WDR97: variants seen among roughly 807,000 people sequenced by gnomAD.
WDR97 encodes the protein WD repeat-containing protein 97.
A neutral mutation model predicts 65.4 loss-of-function variants in WDR97; 111 were observed. That is an observed-to-expected ratio of 1.70 (90% confidence interval 1.45 to 1.99). The LOEUF (loss-of-function observed/expected upper bound fraction) is 1.99, where lower values mean the gene tolerates loss of function less well. Ranked by LOEUF, WDR97 falls within the 30% of genes most tolerant of loss-of-function variation. WDR97 has a pLI of 0.00. For missense variants in WDR97, 1,674 were observed against 865.0 expected (o/e 1.94, Z -11.73); for synonymous variants, 802 against 397.7 (o/e 2.02, Z -12.10).
chr8:144,115,308 T>C (rs891920129), intron 21 of WDR97, 33 bp from the exon 22 acceptor site: 2 of 587,946 alleles, frequency 3.4e-6, no homozygotes, highest in Admixed American at 3.2e-5. Context: ...GCCCAAGGTC[T>C]CTAAGACCTT....
In WDR97 at chr8:144,111,156, G is replaced by T. The variant is rs1217408180; in HGVS notation, c.2360G>T (p.Ser787Ile). Residue 787 changes from serine (S) to isoleucine (I), a missense_variant, in exon 10 of 24, where the codon AGC (serine) becomes ATC (isoleucine). Physicochemically the swap from Ser to Ile is moderately radical, Grantham distance 142. Coordinates refer to ENST00000323662, the MANE Select transcript of WDR97 (RefSeq NM_001316309.2). ...VVDDPPLPLM[S>I]QESLTSAQLQ... ...GACGACCCTCCGCTGCCACTGATGA[G>T]CCAGGAGTCACTGACTTCCGCCCAA... 1 of 702,826 alleles carries T rather than the reference G, an allele frequency of 1.4e-6. No individual in the cohort carries two copies. The highest frequency in any genetic ancestry group is 2.6e-6 in the Non-Finnish European group (1 of 385,016). 43.5% of individuals were successfully genotyped at this position (702,826 alleles called of 1,614,324 possible).
At position 144,114,126 on chromosome 8, in the gene WDR97, C is replaced by A; in HGVS notation, c.3558C>A (p.Thr1186=). Reference sequence around the variant, plus strand: ...TTCTGCATTTCTTCATCTACCAGACCTGGTTCAAAAAGTTGTTCCCCATCT... The same window carrying A: ...TTCTGCATTTCTTCATCTACCAGACATGGTTCAAAAAGTTGTTCCCCATCT... ...PKFLHFFIYQ[T]WFKKLFPIFS... The change falls in exon 18 of 24, where the codon ACC becomes ACA. Residue 1186 remains threonine (T), a synonymous_variant. Transcript: ENST00000323662. The A allele has an allele frequency of 1.4e-6, 1 of 702,820 alleles. No homozygotes were observed. Among genetic ancestry groups the A allele is most frequent in the Non-Finnish European group, 2.6e-6 (1 of 384,980 alleles). 43.5% of individuals were successfully genotyped at this position (702,820 alleles called of 1,614,324 possible). A position where few individuals can be genotyped will look rare whatever the true frequency, so the allele number is the denominator to read the frequency against.
Position 144,111,415 on chromosome 8 carries a change from C to A in WDR97, c.2427-11C>A. ...ACCCAGCATCCCACCTGTGCCTGTC[C>A]CTGTTTGCAGCGAGGCCTTGTCTCT... On this transcript the variant is annotated splice_polypyrimidine_tract_variant and intron_variant, in intron 10 of 23. Transcript: ENST00000323662. The A allele has an allele frequency of 1.4e-6, 1 of 702,828 alleles. No homozygotes were observed. The highest frequency in any genetic ancestry group is 2.6e-6 in the Non-Finnish European group (1 of 384,978). The allele number at this position is 702,828 out of a possible 1,614,324, so 43.5% of individuals were successfully genotyped here.
rs1334852370 is a variant in WDR97, at chr8:144,115,424, C to T, written c.4161C>T (p.Ser1387=). The T allele has an allele frequency of 2.2e-5, 15 of 681,280 alleles. No homozygotes were observed. The highest frequency in any genetic ancestry group is 3.8e-5 in the Non-Finnish European group (14 of 371,322). 42.2% of individuals were successfully genotyped at this position (681,280 alleles called of 1,614,324 possible). Reference sequence around the variant, plus strand: ...CCTCGGGCACCTCCTGGTCGGCCTCCGGCATCTTCGGGAGGCTCTCGCAGG... The same window carrying T: ...CCTCGGGCACCTCCTGGTCGGCCTCTGGCATCTTCGGGAGGCTCTCGCAGG... ...VIPSGTSWSA[S]GIFGRLSQVS... Residue 1387 remains serine, a synonymous_variant, in exon 22 of 24, where the codon TCC becomes TCT. Coordinates refer to ENST00000323662, the MANE Select transcript of WDR97 (RefSeq NM_001316309.2).
rs1296460847 is a variant in WDR97 at position 144,108,860 on chromosome 8, G to C, written c.794G>C (p.Cys265Ser). 1.0e-5 allele frequency: 7 copies of C among 702,954 alleles called. No homozygotes were observed. The highest frequency in any genetic ancestry group is 8.9e-5 in the South Asian group (6 of 67,608). The allele number at this position is 702,954 out of a possible 1,614,324, so 43.5% of individuals were successfully genotyped here. A position where few individuals can be genotyped will look rare whatever the true frequency, so the allele number is the denominator to read the frequency against. ...APVPPHHVLR[C>S]FAAYGSAVLT... is the part of the protein sequence containing the mutation. ...GTTCCTCCCCACCACGTCCTGCGCT[G>C]CTTCGCGGCCTATGGCTCGGCCGTG... Residue 265 changes from cysteine (C) to serine (S), a missense_variant, in exon 3 of 24, where the codon TGC becomes TCC. Transcript: ENST00000323662.
chr8:144,108,268 G>T lies in WDR97; in HGVS notation c.250-48G>T, dbSNP rs969392413. 5 of 693,278 alleles carry T rather than the reference G, an allele frequency of 7.2e-6. No homozygotes were observed. The African/African-American group carries it at 8.8e-5, about 12-fold the overall frequency. The allele number at this position is 693,278 out of a possible 1,614,324, so 42.9% of individuals were successfully genotyped here. ...CCTTCCCTTAGGGGTCCCCTAGGCC[G>T]GAGTAGCCCCAACCTTTGATTGCGG... On this transcript the variant is annotated intron_variant, in intron 2 of 23. Transcript: ENST00000323662.
In WDR97 at chr8:144,112,544, C is replaced by G; in HGVS notation, c.3105+14C>G. 1 of 702,642 alleles carries G rather than the reference C, an allele frequency of 1.4e-6. No individual in the cohort carries two copies. The highest frequency in any genetic ancestry group is 2.6e-6 in the Non-Finnish European group (1 of 384,892). The allele number at this position is 702,642 out of a possible 1,614,324, so 43.5% of individuals were successfully genotyped here. A position where few individuals can be genotyped will look rare whatever the true frequency, so the allele number is the denominator to read the frequency against. On this transcript the variant is annotated intron_variant, in intron 15 of 23. Transcript: ENST00000323662. ...CAGCCCCACAAGGTGAGACCCCCTCCCAGCTCCTGGAGAGCCACTCCTCTC... is the reference window on the plus strand; with the variant it reads ...CAGCCCCACAAGGTGAGACCCCCTCGCAGCTCCTGGAGAGCCACTCCTCTC...
In WDR97 at chr8:144,114,035, A is replaced by C; in HGVS notation, c.3467A>C (p.His1156Pro). Residue 1156 changes from histidine (H) to proline (P), a missense_variant, in exon 18 of 24, where the codon CAC (histidine) becomes CCC (proline). Coordinates refer to ENST00000323662, the MANE Select transcript of WDR97 (RefSeq NM_001316309.2). ...RRRSCKVARTHPHPWHRHGSL... is the reference protein window; with the variant it reads ...RRRSCKVARTPPHPWHRHGSL... ...CGCAGCTGCAAGGTTGCCAGGACCC[A>C]CCCTCATCCCTGGCACCGTCATGGG... The C allele has an allele frequency of 1.4e-6, 1 of 702,660 alleles. No individual in the cohort carries two copies. The allele number at this position is 702,660 out of a possible 1,614,324, so 43.5% of individuals were successfully genotyped here.
chr8:144,115,169 A>G (rs906887299), intron 21 of WDR97, among the ~76,000 whole-genome samples, 172 bp from the exon 22 acceptor site: 7 of 152,180 alleles, frequency 4.6e-5, no homozygotes, highest in Non-Finnish European at 1.5e-5. Flanking sequence ...CCTTGGGCTG[A>G]GCATCGGGCA....
At position 144,116,171 on chromosome 8, in the gene WDR97, G is replaced by C. The variant is rs1836660053; in HGVS notation, c.4747G>C (p.Glu1583Gln). Residue 1583 changes from glutamate (E) to glutamine (Q), a missense_variant, in exon 24 of 24, where the codon GAG becomes CAG. Glu to Gln is a conservative substitution (Grantham distance 29). Coordinates refer to ENST00000323662, the MANE Select transcript of WDR97 (RefSeq NM_001316309.2). The stretch of plus-strand genomic sequence containing the variant: ...GCTGAAGCTGCCGTTGCCGCGTGTG[G>C]AGCCGCAGCCTTTCCCCCTGGACTG... The part of the protein sequence containing the change: ...RTLKLPLPRV[E>Q]PQPFPLDWPM... 1.4e-6 allele frequency: 1 copy of C among 700,550 alleles called. No homozygotes were observed. The highest frequency in any genetic ancestry group is 2.6e-6 in the Non-Finnish European group (1 of 383,780). The allele number at this position is 700,550 out of a possible 1,614,324, so 43.4% of individuals were successfully genotyped here. A position where few individuals can be genotyped will look rare whatever the true frequency, so the allele number is the denominator to read the frequency against.
Position 144,110,433 on chromosome 8 carries a change from G to A in WDR97, c.1936G>A (p.Val646Met). 2.8e-6 allele frequency: 2 copies of A among 703,014 alleles called. No homozygotes were observed. Among genetic ancestry groups the A allele is most frequent in the Non-Finnish European group, 2.6e-6 (1 of 384,976 alleles). The allele number at this position is 703,014 out of a possible 1,614,324, so 43.5% of individuals were successfully genotyped here. Residue 646 changes from valine (V) to methionine (M), a missense_variant, in exon 7 of 24, where the codon GTG becomes ATG. By Grantham distance (21) the Val-to-Met change is conservative (BLOSUM62 1). Transcript: ENST00000323662. Reference protein sequence around the residue: ...LRTFSCCYPAVALCALGRRVT... With the variant: ...LRTFSCCYPAMALCALGRRVT... ...CACCTTCTCCTGCTGCTACCCGGCC[G>A]TGGCGCTCTGTGCGCTAGGCAGACG...
rs1389479847 is a variant in WDR97 at position 144,116,031 on chromosome 8, T to C, written c.4666+18T>C. 2 of 699,412 alleles carry C rather than the reference T, an allele frequency of 2.9e-6. No individual in the cohort carries two copies. The highest frequency in any genetic ancestry group is 3.0e-5 in the South Asian group (2 of 67,490). The allele number at this position is 699,412 out of a possible 1,614,324, so 43.3% of individuals were successfully genotyped here. On this transcript the variant is annotated intron_variant, in intron 23 of 23. Transcript: ENST00000323662. ...ACTGAGGGGTGAGTGGAGCCAGGGG[T>C]GGAGACTGGACCCCACCCACCCCAG...
intron 3 of WDR97, 21 bp downstream of exon 3, chr8:144,108,965 G>A (rs778589929): frequency 8.5e-6 from 6 of 702,924 alleles, no homozygotes; most frequent in South Asian, 4.4e-5. Context: ...TCCCCCTAGG[G>A]AGGGCCAGGC....
intron 21 of WDR97, among the ~76,000 whole-genome samples, 166 bp downstream of exon 21, chr8:144,115,077 G>A (rs1836624049): frequency 6.6e-6 from 1 of 152,256 alleles, no homozygotes; most frequent in Non-Finnish European, 1.5e-5. Context: ...ATTTCCCTGT[G>A]CAGCTGGAAG....
chr8:144,115,101 T>C (rs1238785343), intron 21 of WDR97, among the ~76,000 whole-genome samples, 190 bp downstream of exon 21: 1 of 151,740 alleles, frequency 6.6e-6, no homozygotes, highest in Non-Finnish European at 1.5e-5. Context: ...GCAGGGGGTG[T>C]CTGGCCCGAA....
chr8:144,113,685 T>C lies in WDR97; in HGVS notation c.3212T>C (p.Leu1071Ser), dbSNP rs1239277177. Residue 1071 changes from leucine (L) to serine (S), a missense_variant, in exon 17 of 24, where the codon TTG becomes TCG. Leu to Ser is a moderately radical substitution (Grantham distance 145, BLOSUM62 -2). Transcript: ENST00000323662. ...EPGASQDALW[L>S]WRPRPSQTQW... ...GGGGCAAGCCAGGATGCCCTGTGGT[T>C]GTGGCGCCCCAGGCCATCCCAAACC... is the stretch of plus-strand genomic sequence containing the variant. The C allele has an allele frequency of 1.5e-6, 1 of 668,010 alleles. No homozygotes were observed. The highest frequency in any genetic ancestry group is 2.1e-5 in the Admixed American group (1 of 47,358). The allele number at this position is 668,010 out of a possible 1,614,324, so 41.4% of individuals were successfully genotyped here. A position where few individuals can be genotyped will look rare whatever the true frequency, so the allele number is the denominator to read the frequency against.
chr8:144,114,622 G>A lies in WDR97; in HGVS notation c.3861G>A (p.Arg1287=). 1 of 702,916 alleles carries A rather than the reference G, an allele frequency of 1.4e-6. No homozygotes were observed. The highest frequency in any genetic ancestry group is 2.6e-6 in the Non-Finnish European group (1 of 385,004). 43.5% of individuals were successfully genotyped at this position (702,916 alleles called of 1,614,324 possible). A position where few individuals can be genotyped will look rare whatever the true frequency, so the allele number is the denominator to read the frequency against. Residue 1287 remains arginine (R), a synonymous_variant, in exon 20 of 24, where the codon CGG becomes CGA. Coordinates refer to ENST00000323662, the MANE Select transcript of WDR97 (RefSeq NM_001316309.2). ...QLLLACSLES[R]DVVLELMSYF... Reference sequence around the variant, plus strand: ...TCCTGGCCTGCTCCCTGGAGTCCCGGGATGTGGTGCTGGAGCTCATGTCCT... The same window carrying A: ...TCCTGGCCTGCTCCCTGGAGTCCCGAGATGTGGTGCTGGAGCTCATGTCCT...
In WDR97 at chr8:144,114,902, G is replaced by A. The variant is rs1327847782; in HGVS notation, c.4068G>A (p.Gln1356=). 1 of 694,796 alleles carries A rather than the reference G, an allele frequency of 1.4e-6. No individual in the cohort carries two copies. The highest frequency in any genetic ancestry group is 2.6e-6 in the Non-Finnish European group (1 of 382,230). 43.0% of individuals were successfully genotyped at this position (694,796 alleles called of 1,614,324 possible). A position where few individuals can be genotyped will look rare whatever the true frequency, so the allele number is the denominator to read the frequency against. The change falls in exon 21 of 24, where the codon CAG becomes CAA. Residue 1356 remains glutamine, a synonymous_variant. Transcript: ENST00000323662. ...CCHQKLEDMI[Q]ELQETPSQTS... Reference sequence around the variant, plus strand: ...ACCAGAAACTGGAGGACATGATCCAGGAGCTTCAGGTTGGGCCGGCAGGGG... The same window carrying A: ...ACCAGAAACTGGAGGACATGATCCAAGAGCTTCAGGTTGGGCCGGCAGGGG...
At chr8:144,110,766 G>A (rs1836530823) in intron 8 of WDR97, 27 bp downstream of exon 8, 2 of 702,526 alleles carry the variant, frequency 2.8e-6, no homozygotes, top group Non-Finnish European at 5.2e-6. Context: ...GGAGGGCTGG[G>A]GTCTCCTACC....
Sources: allele counts gnomAD v4.1 joint callset (sites outside exome capture counted in the v4.1 genomes callset), GRCh38; gene constraint gnomAD v4.1.1; transcripts MANE v1.5; gene names NCBI Gene and HGNC (gene_info 2026-07-23, HGNC 2026-07-21).